Variants in RGS9 observed in about 807,000 individuals in gnomAD.
RGS9 encodes the protein regulator of G-protein signalling 9.
Under a neutral mutation model 102.0 loss-of-function variants are expected in RGS9, and 78 were observed. The ratio of observed to expected loss-of-function variants is 0.76; its 90% CI spans 0.64 to 0.92. The LOEUF (loss-of-function observed/expected upper bound fraction) is 0.92. Ranked by LOEUF, RGS9 falls within the 40% of genes least tolerant of loss-of-function variation. The pLI is 0.00. For missense variants in RGS9, 833 were observed against 866.1 expected, an observed-to-expected ratio of 0.96 and a Z score of 0.48; for synonymous variants, 353 against 318.6, an observed-to-expected ratio of 1.11 and a Z score of -1.15.
rs781620664 is a variant in RGS9 at position 65,227,408 on chromosome 17, G to A, written c.*1G>A. The stretch of plus-strand genomic sequence containing the variant: ...CATCTGCCCCTGGGAGAGCCTGTAA[G>A]GAAAGAGGCAGGCTGAGCTGGGGGC... On this transcript the variant is annotated 3_prime_UTR_variant, in exon 19 of 19. Coordinates refer to ENST00000262406, the MANE Select transcript of RGS9 (RefSeq NM_003835.4). 8.7e-6 allele frequency: 14 copies of A among 1,612,824 alleles called. No homozygotes were observed. Among genetic ancestry groups the A allele is most frequent in the Non-Finnish European group, 1.2e-5 (14 of 1,179,356 alleles).
At chr17:65,148,531 C>T (rs1910456028) in intron 1 of RGS9, among the ~76,000 whole-genome samples, 1 of 152,164 alleles carries the variant, frequency 6.6e-6, no homozygotes, top group Non-Finnish European at 1.5e-5. Context: ...ATATTTCTAC[C>T]AACAGTGCAC....
rs1910923765 is a variant in RGS9, at chr17:65,160,213, G to T, written c.206-20G>T. The T allele has an allele frequency of 6.3e-7, 1 of 1,585,584 alleles. No individual in the cohort carries two copies. The highest frequency in any genetic ancestry group is 1.3e-5 in the African/African-American group (1 of 74,222). On this transcript the variant is annotated intron_variant, in intron 3 of 18. Transcript: ENST00000262406. The stretch of plus-strand genomic sequence containing the variant: ...TCTCAGCCCTGCTCTTAACATCCAT[G>T]TCTGAACTGCTTTTCCCAGAGGCAC...
At chr17:65,198,033 T>A (rs1912664770) in intron 13 of RGS9, among the ~76,000 whole-genome samples, 1 of 152,128 alleles carries the variant, frequency 6.6e-6, no homozygotes, top group South Asian at 2.1e-4. Flanking sequence ...TTTTAAAACA[T>A]GTTTTCCTGG....
At chr17:65,172,611 C>T (rs1400737859) in intron 8 of RGS9, among the ~76,000 whole-genome samples, 1 of 152,150 alleles carries the variant, frequency 6.6e-6, no homozygotes, top group African/African-American at 2.4e-5. Context: ...ATGCCGGGTG[C>T]TTACTAGGCA....
At chr17:65,147,692 G>T (rs958431331) in intron 1 of RGS9, among the ~76,000 whole-genome samples, 1 of 146,630 alleles carries the variant, frequency 6.8e-6, no homozygotes, top group African/African-American at 2.6e-5. Context: ...CTGGGTTCAA[G>T]TGATTCTCCT....
intron 15 of RGS9, among the ~76,000 whole-genome samples, chr17:65,207,057 A>G (rs1913090099): frequency 6.6e-6 from 1 of 152,228 alleles, no homozygotes; most frequent in Admixed American, 6.5e-5. Flanking sequence ...AGTAACGAGC[A>G]TTCATGAAGC....
chr17:65,195,875 C>A (rs945946830), intron 12 of RGS9, among the ~76,000 whole-genome samples: 3 of 152,236 alleles, frequency 2.0e-5, no homozygotes, highest in African/African-American at 7.2e-5. Context: ...AGTGTGGGCC[C>A]TGGACCAGCG....
At chr17:65,218,974 T>C (rs942598885) in intron 17 of RGS9, among the ~76,000 whole-genome samples, 2 of 152,170 alleles carry the variant, frequency 1.3e-5, no homozygotes, top group Admixed American at 1.3e-4. Context: ...CATAATGTTT[T>C]GGGAAGGGTT....
intron 8 of RGS9, among the ~76,000 whole-genome samples, chr17:65,168,650 A>C (rs1911293557): frequency 6.6e-6 from 1 of 151,858 alleles, no homozygotes; most frequent in Admixed American, 6.6e-5. Context: ...ATGCAGAAAA[A>C]TAGAGTCCCG....
intron 13 of RGS9, among the ~76,000 whole-genome samples, chr17:65,201,755 C>G (rs1426733381): frequency 3.9e-5 from 6 of 152,114 alleles, no homozygotes; most frequent in Non-Finnish European, 5.9e-5. Context: ...ACGTATTGAG[C>G]AATTACTAAG....
chr17:65,162,935 T>C (rs1440171440), intron 6 of RGS9, 78 bp from the exon 7 acceptor site: 1 of 793,274 alleles, frequency 1.3e-6, no homozygotes, highest in Admixed American at 2.0e-5. Context: ...GTGCCCTTGC[T>C]GACTTAGAGT....
intron 3 of RGS9, among the ~76,000 whole-genome samples, chr17:65,159,234 T>C (rs1910887881): frequency 6.7e-6 from 1 of 149,052 alleles, no homozygotes; most frequent in South Asian, 2.1e-4. Context: ...CCCACCCCTA[T>C]CTCCCTTCGC....
At chr17:65,226,256 C>G (rs971247222) in intron 18 of RGS9, among the ~76,000 whole-genome samples, 3 of 152,190 alleles carry the variant, frequency 2.0e-5, no homozygotes, top group Non-Finnish European at 2.9e-5. Context: ...TTGGGGGAGA[C>G]AGTCAGGGGC....
intron 16 of RGS9, among the ~76,000 whole-genome samples, chr17:65,208,751 G>A (rs1913170936): frequency 1.3e-5 from 2 of 152,114 alleles, no homozygotes; most frequent in Non-Finnish European, 2.9e-5. Flanking sequence ...CTGTTCCCCT[G>A]TTTGCTGGGT....
At chr17:65,143,223 A>G (rs1025784122) in intron 1 of RGS9, among the ~76,000 whole-genome samples, 2 of 152,050 alleles carry the variant, frequency 1.3e-5, no homozygotes, top group Non-Finnish European at 2.9e-5. Context: ...AACATCCTAC[A>G]ACACACAGGA....
At chr17:65,185,884 A>G (rs1912094249) in intron 9 of RGS9, among the ~76,000 whole-genome samples, 1 of 152,194 alleles carries the variant, frequency 6.6e-6, no homozygotes, top group Non-Finnish European at 1.5e-5. Flanking sequence ...AAGTCCTGCA[A>G]ATACAGCTCC....
chr17:65,224,975 T>C, intron 17 of RGS9, 27 bp from the exon 18 acceptor site: 1 of 1,612,266 alleles, frequency 6.2e-7, no homozygotes, highest in Non-Finnish European at 8.5e-7. Flanking sequence ...AACTCACCAC[T>C]GAGCTCTCTC....
In RGS9 at chr17:65,145,224, G is replaced by T. The variant is rs559811364; in HGVS notation, c.57+7627G>T. On this transcript the variant is annotated intron_variant, in intron 1 of 18. Transcript: ENST00000262406. ...TTCTGCCTCAGCCTCTAGAGTAGCT[G>T]GGACTACAGGTGCCCCCCACCACGC... Among the ~76,000 whole-genome samples, 32 of 152,152 alleles carry T rather than the reference G, an allele frequency of 2.1e-4. No homozygotes were observed. In the Middle Eastern group the frequency reaches 0.01, roughly 49 times the overall value.
intron 9 of RGS9, among the ~76,000 whole-genome samples, chr17:65,184,895 G>A (rs113384639): frequency 0.045 from 6,449 of 143,776 alleles, 235 homozygotes; most frequent in African/African-American, 0.091. Flanking sequence ...TTTGAGACAA[G>A]GTCTTGTTCT....
Sources: allele counts gnomAD v4.1 joint callset (sites outside exome capture counted in the v4.1 genomes callset), GRCh38; gene constraint gnomAD v4.1.1; transcripts MANE v1.5; gene names NCBI Gene and HGNC (gene_info 2026-07-23, HGNC 2026-07-21).